SLC44A5: variants seen among roughly 807,000 people sequenced by gnomAD.
The protein encoded by SLC44A5 is solute carrier family 44 member 5.
In SLC44A5, 57 loss-of-function variants were observed where a neutral mutation model predicts 101.8. The ratio of observed to expected loss-of-function variants is 0.56; its 90% confidence interval spans 0.45 to 0.70. SLC44A5 has a LOEUF of 0.70. Among genes scored for constraint, SLC44A5 ranks in the 30% least tolerant of loss-of-function variants. The pLI is 0.00. For synonymous variants in SLC44A5, 281 were observed against 290.9 expected (o/e 0.97, Z 0.35); for missense variants, 737 against 853.1 (o/e 0.86, Z 1.70).
At chr1:75,542,051 A>G (rs995939626) in intron 1 of SLC44A5, among the ~76,000 whole-genome samples, 1 of 152,176 alleles carries the variant, frequency 6.6e-6, no homozygotes, top group African/African-American at 2.4e-5. Flanking sequence ...TAAGTTAAAG[A>G]AAAGCCTTTT....
intron 11 of SLC44A5, among the ~76,000 whole-genome samples, chr1:75,235,474 C>T (rs17567748): frequency 0.052 from 7,843 of 151,728 alleles, 253 homozygotes; most frequent in Middle Eastern, 0.13. Flanking sequence ...GAAGAAGAAG[C>T]GTGGAAATTA....
chr1:75,444,335 A>C (rs1025068207), intron 2 of SLC44A5, among the ~76,000 whole-genome samples: 1 of 137,220 alleles, frequency 7.3e-6, no homozygotes, highest in Non-Finnish European at 1.6e-5. Flanking sequence ...AAAAGAAAGA[A>C]AGAAGGAGGG....
the SLC44A5 span, among the ~76,000 whole-genome samples, chr1:75,667,812 T>C: frequency 6.6e-6 from 1 of 152,184 alleles, no homozygotes; most frequent in African/African-American, 2.4e-5. Context: ...GAACATACTA[T>C]TGAATGGCTG....
At chr1:75,557,813 C>T (rs1672303551) in intron 1 of SLC44A5, among the ~76,000 whole-genome samples, 1 of 151,980 alleles carries the variant, frequency 6.6e-6, no homozygotes, top group Non-Finnish European at 1.5e-5. Flanking sequence ...AGCATTTTGT[C>T]AAGTATAAAA....
At chr1:75,538,963 T>C (rs1671201760) in intron 2 of SLC44A5, among the ~76,000 whole-genome samples, 1 of 152,150 alleles carries the variant, frequency 6.6e-6, no homozygotes, top group Non-Finnish European at 1.5e-5. Flanking sequence ...AGACATTTGC[T>C]TGCCCCAGGA....
intron 7 of SLC44A5, among the ~76,000 whole-genome samples, chr1:75,244,062 C>T (rs1372587225): frequency 6.6e-6 from 1 of 152,078 alleles, no homozygotes; most frequent in Non-Finnish European, 1.5e-5. Context: ...CTGAAGCCCT[C>T]AACAGAAGCA....
chr1:75,437,374 T>C (rs1271029223), intron 2 of SLC44A5, among the ~76,000 whole-genome samples: 1 of 152,148 alleles, frequency 6.6e-6, no homozygotes, highest in Non-Finnish European at 1.5e-5. Context: ...TCACTGTATA[T>C]GCAGTCTTTC....
At chr1:75,360,444 A>G (rs12047215) in intron 3 of SLC44A5, among the ~76,000 whole-genome samples, 36,215 of 152,130 alleles carry the variant, frequency 0.24, 5,772 homozygotes, top group East Asian at 0.77. Context: ...TGCTGGGATT[A>G]GAGGTGTGAG....
the SLC44A5 span, among the ~76,000 whole-genome samples, chr1:75,676,505 A>G: frequency 6.6e-6 from 1 of 152,126 alleles, no homozygotes; most frequent in Non-Finnish European, 1.5e-5. Context: ...TGAACATAGA[A>G]ACATAGGGTG....
chr1:75,540,186 T>C (rs1671282088), intron 2 of SLC44A5, among the ~76,000 whole-genome samples: 1 of 152,190 alleles, frequency 6.6e-6, no homozygotes, highest in Non-Finnish European at 1.5e-5. Flanking sequence ...ATTGAGCATA[T>C]ATGTACTACT....
chr1:75,660,320 A>G, the SLC44A5 span, among the ~76,000 whole-genome samples: 1 of 152,234 alleles, frequency 6.6e-6, no homozygotes, highest in Non-Finnish European at 1.5e-5. Flanking sequence ...CTGGATATAG[A>G]AGGAACATAT....
intron 2 of SLC44A5, among the ~76,000 whole-genome samples, chr1:75,447,302 T>C (rs1665643883): frequency 6.6e-6 from 1 of 152,188 alleles, no homozygotes; most frequent in Non-Finnish European, 1.5e-5. Flanking sequence ...CTCTTTAAAC[T>C]TATAGGAAAA....
intron 2 of SLC44A5, among the ~76,000 whole-genome samples, chr1:75,540,825 A>C (rs1671316884): frequency 1.3e-5 from 2 of 152,194 alleles, no homozygotes; most frequent in African/African-American, 4.8e-5. Context: ...TCAAAGACTA[A>C]GTCCGAAGAA....
intron 4 of SLC44A5, chr1:75,311,791 A>G (rs1197066745): frequency 2.0e-5 from 3 of 152,782 alleles, no homozygotes; most frequent in Admixed American, 6.5e-5. Context: ...ACATGATTCT[A>G]TGAGGGAAAA....
At chr1:75,699,059 A>C in the SLC44A5 span, among the ~76,000 whole-genome samples, 1 of 152,208 alleles carries the variant, frequency 6.6e-6, no homozygotes, top group Non-Finnish European at 1.5e-5. Flanking sequence ...GGAGAATGGA[A>C]CCAAGTTGGA....
At chr1:75,313,072 G>A (rs1188661501) in intron 4 of SLC44A5, among the ~76,000 whole-genome samples, 14 of 152,208 alleles carry the variant, frequency 9.2e-5, no homozygotes, top group Admixed American at 8.5e-4. Context: ...TTGGGATGAA[G>A]TGTGTGGTGA....
the SLC44A5 span, among the ~76,000 whole-genome samples, chr1:75,622,909 T>C: frequency 6.6e-6 from 1 of 152,108 alleles, no homozygotes; most frequent in Non-Finnish European, 1.5e-5. Context: ...GAGTGAATCA[T>C]TTGCATAAAA....
At chr1:75,474,203 A>C (rs116292572) in intron 2 of SLC44A5, among the ~76,000 whole-genome samples, 258 of 152,296 alleles carry the variant, frequency 1.7e-3, no homozygotes, top group African/African-American at 5.8e-3. Flanking sequence ...ACTTCTAAGA[A>C]TATTTAGATT....
chr1:75,364,357 A>G (rs1036318708), intron 3 of SLC44A5, among the ~76,000 whole-genome samples: 4 of 152,202 alleles, frequency 2.6e-5, no homozygotes, highest in African/African-American at 9.7e-5. Flanking sequence ...TGCAACAGGA[A>G]CATCACATGG....
Sources: gnomAD v4.1 joint callset for allele counts (sites outside exome capture counted in the v4.1 genomes callset) on GRCh38, gnomAD v4.1.1 for gene constraint, MANE v1.5 for transcripts, NCBI Gene and HGNC (gene_info 2026-07-23, HGNC 2026-07-21) for gene names.